CCBE1: variants seen among roughly 807,000 people sequenced by gnomAD.
CCBE1 encodes the protein collagen and calcium binding EGF domains 1, also known as collagen and calcium-binding EGF domain-containing protein 1.
A neutral mutation model predicts 50.0 loss-of-function variants in CCBE1; 37 were observed. The observed-to-expected ratio is 0.74, with a 90% CI of 0.57 to 0.97. The LOEUF is 0.97. CCBE1 is among the 50% of genes least tolerant of loss of function. The pLI is 0.00. For synonymous variants in CCBE1, 234 were observed against 203.7 expected, an observed-to-expected ratio of 1.15 and a Z score of -1.27; for missense variants, 538 against 523.8, an observed-to-expected ratio of 1.03 and a Z score of -0.26.
intron 2 of CCBE1, among the ~76,000 whole-genome samples, chr18:59,583,670 TGTGTGTGTGTGCGC>T (rs1244160783): frequency 1.7e-4 from 16 of 91,542 alleles, no homozygotes; most frequent in East Asian, 1.8e-3. Flanking sequence ...TGTGTGTGTG[TGTGTGTGTGTGCGC>T]GCGCGCGCGC....
intron 2 of CCBE1, among the ~76,000 whole-genome samples, chr18:59,480,904 C>T (rs1392369743): frequency 6.6e-6 from 1 of 152,124 alleles, no homozygotes; most frequent in Non-Finnish European, 1.5e-5. Context: ...TAACTACCTA[C>T]TAGAAGAAAA....
chr18:59,480,929 T>G (rs1166427204), intron 2 of CCBE1, among the ~76,000 whole-genome samples: 2 of 152,190 alleles, frequency 1.3e-5, no homozygotes, highest in African/African-American at 4.8e-5. Context: ...TTACACTCTC[T>G]GAATGAATAC....
intron 6 of CCBE1, among the ~76,000 whole-genome samples, chr18:59,450,382 G>GT (rs1430858898): frequency 6.6e-6 from 1 of 152,072 alleles, no homozygotes; most frequent in Non-Finnish European, 1.5e-5. Flanking sequence ...TAATGTTGTC[G>GT]TTTTTTAAAA....
intron 2 of CCBE1, among the ~76,000 whole-genome samples, chr18:59,522,416 T>C (rs764966247): frequency 2.6e-5 from 4 of 152,208 alleles, no homozygotes; most frequent in Non-Finnish European, 5.9e-5. Context: ...CTTCTAACAT[T>C]AAACATTGAA....
chr18:59,508,580 G>C (rs1301811923), intron 2 of CCBE1, among the ~76,000 whole-genome samples: 1 of 151,952 alleles, frequency 6.6e-6, no homozygotes, highest in African/African-American at 2.4e-5. Flanking sequence ...CTGGGCAAAA[G>C]AGTGAGACTC....
At chr18:59,641,056 A>G (rs2053982119) in intron 2 of CCBE1, among the ~76,000 whole-genome samples, 1 of 152,208 alleles carries the variant, frequency 6.6e-6, no homozygotes, top group Non-Finnish European at 1.5e-5. Context: ...GCCATTGTGG[A>G]AAGCAATTTA....
At chr18:59,543,834 C>CAAAAAAAAAA (rs10678902) in intron 2 of CCBE1, among the ~76,000 whole-genome samples, 57 of 68,928 alleles carry the variant, frequency 8.3e-4, no homozygotes, top group African/African-American at 2.0e-3. Context: ...GACTCCGTCT[C>CAAAAAAAAAA]AAAAAAAAAA....
chr18:59,539,449 C>T (rs1915383898), intron 2 of CCBE1, among the ~76,000 whole-genome samples: 1 of 152,150 alleles, frequency 6.6e-6, no homozygotes, highest in East Asian at 1.9e-4. Context: ...CTTAGAACAG[C>T]TATGGTTCAG....
chr18:59,543,874 C>A (rs908719536), intron 2 of CCBE1, among the ~76,000 whole-genome samples: 2 of 144,592 alleles, frequency 1.4e-5, no homozygotes, highest in Non-Finnish European at 3.0e-5. Flanking sequence ...AACACTAATG[C>A]GAGAATCAGA....
At chr18:59,607,765 T>C (rs1376504428) in intron 2 of CCBE1, among the ~76,000 whole-genome samples, 1 of 152,114 alleles carries the variant, frequency 6.6e-6, no homozygotes, top group Non-Finnish European at 1.5e-5. Flanking sequence ...AGGTTCTGGA[T>C]TTACCTTATT....
chr18:59,556,438 A>G (rs2052658390), intron 2 of CCBE1, among the ~76,000 whole-genome samples: 1 of 152,212 alleles, frequency 6.6e-6, no homozygotes, highest in Non-Finnish European at 1.5e-5. Flanking sequence ...TCTTTCCTGC[A>G]GATGACTAAT....
intron 2 of CCBE1, among the ~76,000 whole-genome samples, chr18:59,505,889 G>A (rs1031822067): frequency 1.6e-4 from 24 of 152,286 alleles, no homozygotes; most frequent in Admixed American, 2.6e-4. Flanking sequence ...ACTAAAATTA[G>A]GGTAATTTAA....
chr18:59,510,124 C>T (rs1467833092), intron 2 of CCBE1, among the ~76,000 whole-genome samples: 2 of 152,194 alleles, frequency 1.3e-5, no homozygotes, highest in African/African-American at 4.8e-5. Context: ...GAGGAGGAAA[C>T]ATCTTTTCCT....
intron 5 of CCBE1, chr18:59,462,514 T>G (rs1374116412): frequency 6.6e-6 from 1 of 152,012 alleles, no homozygotes; most frequent in Non-Finnish European, 1.5e-5. Flanking sequence ...GCCTCCTGAG[T>G]AGCTGGGACT....
At chr18:59,568,592 G>A (rs1227152110) in intron 2 of CCBE1, 1 of 152,206 alleles carries the variant, frequency 6.6e-6, no homozygotes, top group Non-Finnish European at 1.5e-5. Flanking sequence ...TGGCTAAACT[G>A]AAGCAACTTG....
intron 2 of CCBE1, among the ~76,000 whole-genome samples, chr18:59,662,036 A>G (rs560334556): frequency 3.9e-5 from 6 of 152,190 alleles, no homozygotes; most frequent in Non-Finnish European, 5.9e-5. Context: ...ATGCTTTAAC[A>G]GAGCTTATCT....
chr18:59,468,144 T>C (rs1911841269), intron 4 of CCBE1, among the ~76,000 whole-genome samples: 1 of 152,074 alleles, frequency 6.6e-6, no homozygotes, highest in African/African-American at 2.4e-5. Context: ...TCCCAGCGCT[T>C]TGGGGGGGCC....
chr18:59,691,949 GTTCAGGCTATGCC>G lies in CCBE1; in HGVS notation c.212+4667_212+4679del, dbSNP rs541517144. Among the ~76,000 whole-genome samples, 1,074 of 152,310 alleles carry G rather than the reference GTTCAGGCTATGCC, an allele frequency of 7.1e-3. 10 individuals are homozygous for G. The highest frequency in any genetic ancestry group is 9.5e-3 in the Non-Finnish European group (646 of 68,018). On this transcript the variant is annotated intron_variant, in intron 2 of 10. Coordinates refer to ENST00000439986, the MANE Select transcript of CCBE1 (RefSeq NM_133459.4). The stretch of plus-strand genomic sequence containing the variant: ...GAAAGTGGTGTAACTTCAAGTTCTA[GTTCAGGCTATGCC>G]TTCCACTGGCTCTTATGGTCATGAG...
intron 2 of CCBE1, among the ~76,000 whole-genome samples, chr18:59,682,292 G>T (rs985430345): frequency 1.7e-4 from 26 of 152,154 alleles, no homozygotes; most frequent in African/African-American, 6.3e-4. Flanking sequence ...AACCCAGGAG[G>T]CGGAGGAGGT....
Sources: allele counts gnomAD v4.1 joint callset (sites outside exome capture counted in the v4.1 genomes callset), GRCh38; gene constraint gnomAD v4.1.1; transcripts MANE v1.5; gene names NCBI Gene and HGNC (gene_info 2026-07-23, HGNC 2026-07-21).